The following NRG3 variants were observed in gnomAD, a reference collection of about 807,000 sequenced individuals.
NRG3 encodes pro-neuregulin-3, membrane-bound isoform.
A neutral mutation model predicts 66.9 loss-of-function variants in NRG3; 31 were observed. The ratio of observed to expected loss-of-function variants is 0.46; its 90% CI spans 0.35 to 0.63. The LOEUF (loss-of-function observed/expected upper bound fraction) is 0.63, where lower values mean the gene tolerates loss of function less well. Ranked by LOEUF, NRG3 falls within the 20% of genes least tolerant of loss-of-function variation. The pLI is 0.00. For synonymous variants in NRG3, 393 were observed against 359.4 expected, an observed-to-expected ratio of 1.09 and a Z score of -1.06; for missense variants, 910 against 878.9, an observed-to-expected ratio of 1.04 and a Z score of -0.45.
At chr10:82,302,359 A>T (rs779071360) in intron 1 of NRG3, among the ~76,000 whole-genome samples, 12 of 152,150 alleles carry the variant, frequency 7.9e-5, no homozygotes, top group Non-Finnish European at 1.8e-4. Flanking sequence ...TTTATCAGTA[A>T]TCATACGTGT....
In NRG3 at chr10:82,298,276, G is replaced by GA. The variant is rs1244178273; in HGVS notation, c.824-60462dup. Among the ~76,000 whole-genome samples the GA allele has an allele frequency of 4.5e-3, 690 of 151,676 alleles. 6 individuals carry two copies. Among genetic ancestry groups the GA allele is most frequent in the African/African-American group, 0.016 (660 of 41,362 alleles). Reference sequence around the variant, plus strand: ...GAGGGAGGGAGGGAAGGAAGGGAGAGAGGGAGGAAGGAAGGAAGGAAGGAA... The same window carrying GA: ...GAGGGAGGGAGGGAAGGAAGGGAGAGAAGGGAGGAAGGAAGGAAGGAAGGAA... On this transcript the variant is annotated intron_variant, in intron 1 of 8. Coordinates refer to ENST00000372141, the MANE Select transcript of NRG3 (RefSeq NM_001010848.4).
chr10:82,968,444 C>T (rs938458126), intron 6 of NRG3, among the ~76,000 whole-genome samples: 2 of 152,108 alleles, frequency 1.3e-5, no homozygotes, highest in South Asian at 2.1e-4. Flanking sequence ...TGTTTAATAT[C>T]GCAATAATTC....
chr10:82,127,406 G>A (rs2068517234), intron 1 of NRG3, among the ~76,000 whole-genome samples: 1 of 152,038 alleles, frequency 6.6e-6, no homozygotes, highest in Admixed American at 6.6e-5. Flanking sequence ...AGTGGAGCAT[G>A]ACTTATGTTT....
rs572992122 is a variant in NRG3 at position 82,462,607 on chromosome 10, G to A, written c.953+103739G>A. Among the ~76,000 whole-genome samples, 8 of 152,152 alleles carry A rather than the reference G, an allele frequency of 5.3e-5. No homozygotes were observed. In the East Asian group the frequency reaches 1.6e-3, roughly 30 times the overall value. ...AGTGAGGAGATGGGAGCTGAGAAGA[G>A]GAGATGGGCTGGACAGGAAGCTAGG... On this transcript the variant is annotated intron_variant, in intron 2 of 8. Coordinates refer to ENST00000372141, the MANE Select transcript of NRG3 (RefSeq NM_001010848.4).
chr10:82,318,014 A>C (rs1467354965), intron 1 of NRG3, among the ~76,000 whole-genome samples: 1 of 152,152 alleles, frequency 6.6e-6, no homozygotes. Context: ...CATTTTACAT[A>C]AGATAACATA....
chr10:82,891,163 GA>G (rs1441383883), intron 4 of NRG3, among the ~76,000 whole-genome samples: 1 of 151,170 alleles, frequency 6.6e-6, no homozygotes, highest in East Asian at 1.9e-4. Context: ...TAAAAAGAAA[GA>G]AAAAAATGAA....
intron 1 of NRG3, among the ~76,000 whole-genome samples, chr10:82,282,543 A>G (rs1304011406): frequency 1.3e-5 from 2 of 152,168 alleles, no homozygotes; most frequent in Non-Finnish European, 2.9e-5. Flanking sequence ...CTTGAATTCC[A>G]GTCCAGCTAC....
At chr10:82,208,653 GA>G (rs1025900876) in intron 1 of NRG3, among the ~76,000 whole-genome samples, 288 of 143,606 alleles carry the variant, frequency 2.0e-3, no homozygotes, top group African/African-American at 5.5e-3. Flanking sequence ...CGTATGAGGG[GA>G]AAAAAAAAAA....
chr10:82,843,123 TA>T, intron 3 of NRG3: 2 of 352,252 alleles, frequency 5.7e-6, no homozygotes, highest in South Asian at 4.3e-5. Flanking sequence ...GATGGGGGAC[TA>T]CTGTATTAGA....
intron 8 of NRG3, among the ~76,000 whole-genome samples, chr10:82,979,431 A>G (rs542412810): frequency 6.6e-6 from 1 of 152,316 alleles, no homozygotes; most frequent in South Asian, 2.1e-4. Context: ...TAAAAAATCA[A>G]AGGAGGATTA....
chr10:82,237,026 GAACTCTTA>G (rs2133954798), intron 1 of NRG3, among the ~76,000 whole-genome samples: 1 of 152,190 alleles, frequency 6.6e-6, no homozygotes, highest in Non-Finnish European at 1.5e-5. Flanking sequence ...AAAAAAACTA[GAACTCTTA>G]AACACATATA....
At chr10:82,945,108 A>G (rs1195518356) in intron 4 of NRG3, among the ~76,000 whole-genome samples, 1 of 152,158 alleles carries the variant, frequency 6.6e-6, no homozygotes, top group African/African-American at 2.4e-5. Flanking sequence ...AATTTTGTGT[A>G]CCTGAGCCAC....
At chr10:82,118,340 G>C (rs907638814) in intron 1 of NRG3, among the ~76,000 whole-genome samples, 1 of 151,878 alleles carries the variant, frequency 6.6e-6, no homozygotes, top group African/African-American at 2.4e-5. Context: ...AAGAATAGTC[G>C]AAGTTGCCAG....
chr10:82,472,678 A>G (rs1305664489), intron 2 of NRG3, among the ~76,000 whole-genome samples: 11 of 152,328 alleles, frequency 7.2e-5, no homozygotes, highest in Non-Finnish European at 1.0e-4. Context: ...ATGTGTGGTA[A>G]TGAGAGCATG....
chr10:82,153,103 T>C (rs956850081), intron 1 of NRG3, among the ~76,000 whole-genome samples: 1 of 152,110 alleles, frequency 6.6e-6, no homozygotes, highest in Admixed American at 6.6e-5. Flanking sequence ...CAATTTTAGC[T>C]ATGTAATATA....
intron 2 of NRG3, among the ~76,000 whole-genome samples, chr10:82,710,054 T>A (rs2056561826): frequency 6.6e-6 from 1 of 152,210 alleles, no homozygotes; most frequent in Non-Finnish European, 1.5e-5. Flanking sequence ...CAACCTATAT[T>A]TATTTACACA....
At chr10:82,339,825 C>T (rs928618892) in intron 1 of NRG3, among the ~76,000 whole-genome samples, 29 of 151,980 alleles carry the variant, frequency 1.9e-4, no homozygotes, top group Non-Finnish European at 2.6e-4. Context: ...TCTGCCATGT[C>T]TAGGAAGTTG....
At chr10:82,179,720 A>G (rs1042174647) in intron 1 of NRG3, among the ~76,000 whole-genome samples, 3 of 151,780 alleles carry the variant, frequency 2.0e-5, no homozygotes, top group Non-Finnish European at 4.4e-5. Context: ...TGTTTTAACT[A>G]TTTGGGGTCC....
intron 1 of NRG3, among the ~76,000 whole-genome samples, chr10:82,163,975 G>T (rs892867689): frequency 6.6e-6 from 1 of 150,662 alleles, no homozygotes; most frequent in Non-Finnish European, 1.5e-5. Flanking sequence ...GGTTGGAGTG[G>T]AGTGGTGCAA....
Sources: gnomAD v4.1 joint callset for allele counts (sites outside exome capture counted in the v4.1 genomes callset) on GRCh38, gnomAD v4.1.1 for gene constraint, MANE v1.5 for transcripts, NCBI Gene and HGNC (gene_info 2026-07-23, HGNC 2026-07-21) for gene names.